The following FGF14 variants were observed in gnomAD, a reference collection of about 807,000 sequenced individuals.
FGF14 encodes the protein fibroblast growth factor homologous factor 4.
Under a neutral mutation model 25.5 loss-of-function variants are expected in FGF14, and 5 were observed. That is an observed-to-expected ratio of 0.20 (90% CI 0.10 to 0.41). The LOEUF (loss-of-function observed/expected upper bound fraction) is 0.41, where lower values mean the gene tolerates loss of function less well. Among genes scored for constraint, FGF14 ranks in the 10% least tolerant of loss-of-function variants. FGF14 has a pLI of 1.00. For synonymous variants in FGF14, 138 were observed against 118.3 expected (o/e 1.17, Z -1.08); for missense variants, 222 against 320.1 (o/e 0.69, Z 2.34).
chr13:102,387,981 G>A lies in FGF14; in HGVS notation c.208+13490C>T, dbSNP rs138574071. ...TTGACCTCATGATCCACACGCCTCA[G>A]CCTCTCAAAGTGCTGGGATTACAGG... On this transcript the variant is annotated intron_variant, in intron 1 of 4. Transcript: ENST00000376131. 4.4e-3 allele frequency among the ~76,000 whole-genome samples: 670 copies of A among 152,256 alleles called. 4 individuals are homozygous for A. Among genetic ancestry groups the A allele is most frequent in the Middle Eastern group, 0.02 (6 of 294 alleles).
intron 3 of FGF14, among the ~76,000 whole-genome samples, chr13:101,819,353 T>C (rs976629400): frequency 6.6e-6 from 1 of 152,152 alleles, no homozygotes; most frequent in Non-Finnish European, 1.5e-5. Context: ...CAACTGAAAG[T>C]CCCAGAATGT....
At chr13:102,318,489 C>T (rs749093956) in intron 1 of FGF14, among the ~76,000 whole-genome samples, 14 of 152,156 alleles carry the variant, frequency 9.2e-5, no homozygotes, top group African/African-American at 3.1e-4. Flanking sequence ...TTTCTGAGAA[C>T]TGGGAGGGAG....
intron 3 of FGF14, among the ~76,000 whole-genome samples, chr13:101,825,107 G>A (rs967412778): frequency 3.3e-5 from 5 of 152,336 alleles, no homozygotes; most frequent in African/African-American, 1.2e-4. Context: ...TGGAACCTGA[G>A]GAAGAGGTGG....
intron 1 of FGF14, among the ~76,000 whole-genome samples, chr13:102,286,961 T>C (rs1468405948): frequency 6.6e-6 from 1 of 151,670 alleles, no homozygotes; most frequent in African/African-American, 2.4e-5. Context: ...GGTTGTGATA[T>C]TTGAGCTTTA....
chr13:102,292,831 T>C (rs2054497276), intron 1 of FGF14: 1 of 152,244 alleles, frequency 6.6e-6, no homozygotes, highest in Admixed American at 6.5e-5. Flanking sequence ...GCCATAGCCA[T>C]GGTCCTCATT....
intron 1 of FGF14, among the ~76,000 whole-genome samples, chr13:101,983,575 TAGC>T: frequency 6.6e-6 from 1 of 152,316 alleles, no homozygotes; most frequent in African/African-American, 2.4e-5. Context: ...AAGGTAGAAA[TAGC>T]AGGCCAGTTA....
intron 1 of FGF14, among the ~76,000 whole-genome samples, chr13:101,978,806 T>G (rs941329255): frequency 6.6e-6 from 1 of 152,164 alleles, no homozygotes. Context: ...ACAGTACCTT[T>G]GATAGATAAG....
intron 3 of FGF14, among the ~76,000 whole-genome samples, chr13:101,730,456 C>T (rs1000948643): frequency 5.9e-5 from 9 of 152,122 alleles, no homozygotes; most frequent in Admixed American, 3.9e-4. Context: ...TATAATGTTA[C>T]AAAAATTATT....
At chr13:102,088,628 T>C (rs897613319) in intron 1 of FGF14, among the ~76,000 whole-genome samples, 13 of 152,158 alleles carry the variant, frequency 8.5e-5, no homozygotes, top group Non-Finnish European at 1.9e-4. Flanking sequence ...ATTTGACATA[T>C]ACAATTGAAA....
chr13:101,785,594 G>A (rs1328354), intron 3 of FGF14, among the ~76,000 whole-genome samples: 59,171 of 151,864 alleles, frequency 0.39, 12,229 homozygotes, highest in East Asian at 0.82. Context: ...TACATTATCT[G>A]TCTATCACCT....
intron 3 of FGF14, among the ~76,000 whole-genome samples, chr13:101,824,584 T>C (rs926148272): frequency 6.6e-6 from 1 of 152,184 alleles, no homozygotes; most frequent in African/African-American, 2.4e-5. Flanking sequence ...GATTAAAAAA[T>C]ATTTGGTCTT....
intron 1 of FGF14, among the ~76,000 whole-genome samples, chr13:102,138,132 C>A (rs2046492721): frequency 6.7e-6 from 1 of 148,956 alleles, no homozygotes; most frequent in Non-Finnish European, 1.5e-5. Flanking sequence ...GGCAATGAGA[C>A]CATCATTCTT....
At chr13:102,143,235 C>T (rs1179666279) in intron 1 of FGF14, among the ~76,000 whole-genome samples, 4 of 152,070 alleles carry the variant, frequency 2.6e-5, no homozygotes, top group Non-Finnish European at 5.9e-5. Context: ...AATGCTTTGT[C>T]CTCTAGAATT....
intron 1 of FGF14, among the ~76,000 whole-genome samples, chr13:102,058,421 C>T (rs1377729601): frequency 1.3e-5 from 2 of 152,042 alleles, no homozygotes; most frequent in Non-Finnish European, 2.9e-5. Context: ...TATCTTCTTC[C>T]CTCTTGAGGA....
intron 1 of FGF14, among the ~76,000 whole-genome samples, chr13:102,075,628 T>C (rs1203861846): frequency 6.6e-6 from 1 of 152,234 alleles, no homozygotes. Context: ...TTACTATACA[T>C]TTTATCATTA....
intron 4 of FGF14, 84 bp from the exon 5 acceptor site, chr13:101,723,051 C>T: frequency 1.3e-6 from 2 of 1,502,742 alleles, no homozygotes; most frequent in Non-Finnish European, 1.8e-6. Context: ...GCATAGACCA[C>T]TGCAGTTTGC....
intron 1 of FGF14, among the ~76,000 whole-genome samples, chr13:102,078,007 C>T (rs921197584): frequency 6.6e-6 from 1 of 151,998 alleles, no homozygotes; most frequent in African/African-American, 2.4e-5. Flanking sequence ...ACCTGGAAGA[C>T]ATTTATAGTA....
Position 102,383,807 on chromosome 13 carries a change from CA to C in FGF14, c.208+17663del, listed in dbSNP as rs746830263. On this transcript the variant is annotated intron_variant, in intron 1 of 4. Transcript: ENST00000376131. ...GACCCTGTCTGATTCATGTATCACC[CA>C]TGGGGCCAAGCGCACTCTCCTTCAT... Among the ~76,000 whole-genome samples, 203 of 149,954 alleles carry C rather than the reference CA, an allele frequency of 1.4e-3. 1 individual carries two copies. The highest frequency in any genetic ancestry group is 6.8e-3 in the Middle Eastern group (2 of 294).
intron 1 of FGF14, among the ~76,000 whole-genome samples, chr13:102,096,579 C>T (rs1265158238): frequency 1.3e-5 from 2 of 152,096 alleles, no homozygotes; most frequent in African/African-American, 2.4e-5. Flanking sequence ...TTGTAACAAC[C>T]AAGAAAGGCG....
Sources: allele counts gnomAD v4.1 joint callset (sites outside exome capture counted in the v4.1 genomes callset), GRCh38; gene constraint gnomAD v4.1.1; transcripts MANE v1.5; gene names NCBI Gene and HGNC (gene_info 2026-07-23, HGNC 2026-07-21).